The following MKLN1 variants were observed in gnomAD, a reference collection of about 807,000 sequenced individuals.
The protein encoded by MKLN1 is muskelin 1, also known as muskelin.
Under a neutral mutation model 99.0 loss-of-function variants are expected in MKLN1, and 18 were observed. The observed-to-expected ratio is 0.18, with a 90% CI of 0.13 to 0.27. The LOEUF (loss-of-function observed/expected upper bound fraction) is 0.27, where lower values mean the gene tolerates loss of function less well. MKLN1 is among the 10% of genes least tolerant of loss of function. The probability of loss-of-function intolerance (pLI) is 1.00; values close to 1 mark genes in which losing one functional copy is unlikely to be tolerated. For missense variants in MKLN1, 621 were observed against 875.9 expected (o/e 0.71, Z 3.67); for synonymous variants, 288 against 293.2 (o/e 0.98, Z 0.18).
At chr7:131,402,243 A>G (rs1794570179) in intron 6 of MKLN1, among the ~76,000 whole-genome samples, 1 of 152,160 alleles carries the variant, frequency 6.6e-6, no homozygotes, top group South Asian at 2.1e-4. Context: ...ATCTCAAGAA[A>G]CCACTTTATT....
intron 3 of MKLN1, among the ~76,000 whole-genome samples, chr7:131,256,499 T>C (rs1017148951): frequency 6.6e-6 from 1 of 152,222 alleles, no homozygotes; most frequent in Non-Finnish European, 1.5e-5. Context: ...TGTTTGACAA[T>C]GACAGCATAA....
At chr7:131,445,472 C>G (rs1795984529) in intron 11 of MKLN1, among the ~76,000 whole-genome samples, 1 of 152,040 alleles carries the variant, frequency 6.6e-6, no homozygotes, top group South Asian at 2.1e-4. Context: ...ATTCTCTTTC[C>G]CTCTCTCCCT....
rs1797387568 is a variant in MKLN1 at position 131,490,097 on chromosome 7, A to G, written c.*2369A>G. The G allele has an allele frequency of 1.3e-5, 2 of 152,620 alleles. No homozygotes were observed. Among genetic ancestry groups the G allele is most frequent in the South Asian group, 2.1e-4 (1 of 4,832 alleles). The allele number at this position is 152,620 out of a possible 1,614,324, so 9.5% of individuals were successfully genotyped here. ...ATTGACATGTTGCTCACAACATGTC[A>G]CAATTTAGTGAGGAGCTACATGTAT... On this transcript the variant is annotated 3_prime_UTR_variant, in exon 18 of 18. Coordinates refer to ENST00000352689, the MANE Select transcript of MKLN1 (RefSeq NM_013255.5).
intron 3 of MKLN1, among the ~76,000 whole-genome samples, chr7:131,206,794 A>G (rs1299757883): frequency 6.6e-6 from 1 of 152,012 alleles, no homozygotes; most frequent in Non-Finnish European, 1.5e-5. Context: ...GGCCTCAAGC[A>G]ATCTTCCCAC....
chr7:131,478,890 A>G (rs1324301098), intron 17 of MKLN1: 5 of 594,372 alleles, frequency 8.4e-6, no homozygotes, highest in East Asian at 2.9e-5. Context: ...TATTATACCA[A>G]TTGCTGTGTT....
intron 1 of MKLN1, among the ~76,000 whole-genome samples, chr7:131,135,614 G>T (rs1208724487): frequency 6.6e-6 from 1 of 152,224 alleles, no homozygotes; most frequent in Non-Finnish European, 1.5e-5. Flanking sequence ...AGGTGTGATG[G>T]AAGATAAGGG....
At chr7:131,135,822 G>C (rs963317883) in intron 1 of MKLN1, among the ~76,000 whole-genome samples, 3 of 152,204 alleles carry the variant, frequency 2.0e-5, no homozygotes, top group Non-Finnish European at 4.4e-5. Context: ...GTAGATGCTT[G>C]TTGAACGGGT....
chr7:131,192,044 A>G (rs1167428535), intron 2 of MKLN1, among the ~76,000 whole-genome samples: 3 of 123,516 alleles, frequency 2.4e-5, no homozygotes, highest in East Asian at 2.0e-4. Context: ...GTGTGTGTGT[A>G]TATGTATACA....
intron 3 of MKLN1, among the ~76,000 whole-genome samples, chr7:131,204,054 C>T (rs973735948): frequency 1.3e-5 from 2 of 152,216 alleles, no homozygotes; most frequent in Non-Finnish European, 2.9e-5. Flanking sequence ...TGCATCTCCT[C>T]ATCCTGTATA....
In MKLN1 at chr7:131,463,311, G is replaced by A; in HGVS notation, c.1620G>A (p.Arg540=). 1 of 1,612,292 alleles carries A rather than the reference G, an allele frequency of 6.2e-7. No homozygotes were observed. ...LSGLSKDKEK[R]EENVRNSFWI... is the part of the protein sequence containing the mutation. ...GACTCAGCAAAGATAAGGAAAAGAG[G>A]GAAGAAAATGTTAGAAATTCATTCT... The change falls in exon 13 of 18, where the codon AGG becomes AGA. Residue 540 remains arginine (R), a synonymous_variant. Transcript: ENST00000352689.
At chr7:131,131,325 T>C (rs953362569) in intron 1 of MKLN1, among the ~76,000 whole-genome samples, 2 of 152,116 alleles carry the variant, frequency 1.3e-5, no homozygotes, top group Middle Eastern at 3.2e-3. Flanking sequence ...TGCAGTGAGC[T>C]ATGATCATGC....
chr7:131,126,053 AATT>A (rs1563223293), intron 1 of MKLN1, among the ~76,000 whole-genome samples: 80 of 78,604 alleles, frequency 1.0e-3, no homozygotes, highest in East Asian at 3.9e-3. Flanking sequence ...TAAATAAATT[AATT>A]AATTAATAAA....
intron 2 of MKLN1, among the ~76,000 whole-genome samples, chr7:131,175,230 GAT>G (rs1796280304): frequency 2.3e-5 from 2 of 88,210 alleles, no homozygotes; most frequent in Non-Finnish European, 4.5e-5. Context: ...GAGAGAGAGA[GAT>G]AGAATGGATG....
At chr7:131,419,063 A>G (rs983978182) in intron 8 of MKLN1, among the ~76,000 whole-genome samples, 2 of 151,832 alleles carry the variant, frequency 1.3e-5, no homozygotes, top group African/African-American at 4.8e-5. Context: ...TCAGCTAGCT[A>G]TTGCTGTCGA....
At chr7:131,402,026 A>C (rs774132108) in intron 6 of MKLN1, among the ~76,000 whole-genome samples, 12 of 152,176 alleles carry the variant, frequency 7.9e-5, no homozygotes, top group Non-Finnish European at 1.2e-4. Flanking sequence ...AATTTGCTGC[A>C]TCAATGAGTT....
Position 131,492,942 on chromosome 7 carries a change from T to G in MKLN1, c.*5214T>G, listed in dbSNP as rs2116732234. The stretch of plus-strand genomic sequence containing the variant: ...TATCACTGTCTTTTTGGCTAAAGTT[T>G]TATATTGTGAACTGGATCCCACTTA... On this transcript the variant is annotated 3_prime_UTR_variant, in exon 18 of 18. Transcript: ENST00000352689. 6.6e-6 allele frequency: 1 copy of G among 152,196 alleles called. No individual in the cohort carries two copies. Among genetic ancestry groups the G allele is most frequent in the African/African-American group, 2.4e-5 (1 of 41,520 alleles). The allele number at this position is 152,196 out of a possible 1,614,324, so 9.4% of individuals were successfully genotyped here.
intron 9 of MKLN1, among the ~76,000 whole-genome samples, chr7:131,435,418 A>G (rs1171976406): frequency 6.6e-6 from 1 of 152,158 alleles, no homozygotes; most frequent in Non-Finnish European, 1.5e-5. Context: ...GCCTCATAAA[A>G]TAAGCTAGGA....
At chr7:131,363,116 T>C (rs1800078174) in intron 1 of MKLN1, among the ~76,000 whole-genome samples, 1 of 152,112 alleles carries the variant, frequency 6.6e-6, no homozygotes, top group Non-Finnish European at 1.5e-5. Flanking sequence ...CAAGTTGGTT[T>C]TCCTGTAGTT....
chr7:131,381,397 T>C (rs1256275774), intron 2 of MKLN1, among the ~76,000 whole-genome samples: 1 of 152,222 alleles, frequency 6.6e-6, no homozygotes, highest in African/African-American at 2.4e-5. Context: ...TATGGGATTT[T>C]CATTCATGCT....
Sources: gnomAD v4.1 joint callset for allele counts (sites outside exome capture counted in the v4.1 genomes callset) on GRCh38, gnomAD v4.1.1 for gene constraint, MANE v1.5 for transcripts, NCBI Gene and HGNC (gene_info 2026-07-23, HGNC 2026-07-21) for gene names.